The following LINGO1 variants were observed in gnomAD, a reference collection of about 807,000 sequenced individuals.
LINGO1 encodes the protein leucine rich repeat and Ig domain containing 1.
LINGO1 carries 11 observed loss-of-function variants against 37.3 expected under a neutral mutation model. That is an observed-to-expected ratio of 0.29 (90% CI 0.19 to 0.49). The LOEUF (loss-of-function observed/expected upper bound fraction) is 0.49, where lower values mean the gene tolerates loss of function less well. LINGO1 is among the 20% of genes least tolerant of loss of function. LINGO1 has a pLI of 0.99. For missense variants in LINGO1, 585 were observed against 878.2 expected (o/e 0.67, Z 4.22); for synonymous variants, 387 against 403.0 (o/e 0.96, Z 0.48).
At chr15:77,675,576 T>A (rs116776382) in intron 3 of LINGO1, among the ~76,000 whole-genome samples, 325 of 152,092 alleles carry the variant, frequency 2.1e-3, no homozygotes, top group African/African-American at 7.6e-3. Flanking sequence ...GATAAGTACA[T>A]AGAAAAAAGT....
chr15:77,767,081 G>A (rs1179436947), intron 1 of LINGO1, among the ~76,000 whole-genome samples: 2 of 152,152 alleles, frequency 1.3e-5, no homozygotes, highest in East Asian at 3.8e-4. Flanking sequence ...CATGAAAGGA[G>A]CAATTCAAAA....
chr15:77,715,799 T>C (rs2075976708), intron 2 of LINGO1, among the ~76,000 whole-genome samples: 1 of 152,132 alleles, frequency 6.6e-6, no homozygotes, highest in Non-Finnish European at 1.5e-5. Flanking sequence ...AGGGCCACCC[T>C]CCTCTCCATT....
intron 1 of LINGO1, chr15:77,819,198 G>A (rs1041260758): frequency 6.7e-6 from 1 of 149,122 alleles, no homozygotes; most frequent in Non-Finnish European, 1.5e-5. Context: ...CCGGCGGGCA[G>A]ACACACCGGC....
At chr15:77,708,486 A>G (rs1274713377) in intron 2 of LINGO1, among the ~76,000 whole-genome samples, 1 of 152,212 alleles carries the variant, frequency 6.6e-6, no homozygotes, top group Non-Finnish European at 1.5e-5. Context: ...CCCCAAATTC[A>G]TGTCCATCTG....
chr15:77,743,868 G>A (rs2141353167), intron 1 of LINGO1, among the ~76,000 whole-genome samples: 1 of 152,198 alleles, frequency 6.6e-6, no homozygotes, highest in South Asian at 2.1e-4. Context: ...AGGTGTGAGA[G>A]GCTCCCATGG....
At chr15:77,746,353 T>G (rs1285672842) in intron 1 of LINGO1, among the ~76,000 whole-genome samples, 1 of 152,130 alleles carries the variant, frequency 6.6e-6, no homozygotes, top group Non-Finnish European at 1.5e-5. Flanking sequence ...TTCCATGAAT[T>G]CCATTCCTCC....
rs74569040 is a variant in LINGO1, at chr15:77,758,354, C to T, written c.-256-23301G>A. ...CACTGACTGTGCACCCCAAGGCGGG[C>T]GCTCCCCATCTGCAGGCCTCCGTTT... On this transcript the variant is annotated intron_variant, in intron 1 of 3. Transcript: ENST00000561686. 2.8e-4 allele frequency among the ~76,000 whole-genome samples: 43 copies of T among 152,266 alleles called. 1 individual carries two copies. In the East Asian group the frequency reaches 5.8e-3, roughly 21 times the overall value.
At chr15:77,797,539 G>C (rs370831605) in intron 1 of LINGO1, among the ~76,000 whole-genome samples, 4 of 152,254 alleles carry the variant, frequency 2.6e-5, no homozygotes, top group East Asian at 1.9e-4. Flanking sequence ...ACAAGTGCAG[G>C]TGGTGCCCAG....
chr15:77,776,448 A>AGCAGGAAGGCAGGAAGGCAGGAAG lies in LINGO1; in HGVS notation c.-257+10397_-257+10420dup, dbSNP rs767799691. Among the ~76,000 whole-genome samples, 83 of 103,844 alleles carry AGCAGGAAGGCAGGAAGGCAGGAAG rather than the reference A, an allele frequency of 8.0e-4. 3 individuals carry two copies. The highest frequency in any genetic ancestry group is 6.4e-3 in the East Asian group (22 of 3,446). The allele number at this position is 103,844 out of a possible 152,430, so 68.1% of individuals were successfully genotyped here. ...GGCAGGTCACCTGTCCCGGGGCTTT[A>AGCAGGAAGGCAGGAAGGCAGGAAG]GCAGGAAGGCAGGAAGGCAGGAAGG... On this transcript the variant is annotated intron_variant, in intron 1 of 3. Transcript: ENST00000561686.
chr15:77,680,387 CT>C (rs1278840267), intron 2 of LINGO1, among the ~76,000 whole-genome samples: 2 of 152,228 alleles, frequency 1.3e-5, no homozygotes, highest in East Asian at 3.9e-4. Flanking sequence ...CCCACTGCCC[CT>C]TTGGGGGCAG....
At chr15:77,765,318 G>C (rs2076516661) in intron 1 of LINGO1, among the ~76,000 whole-genome samples, 2 of 151,742 alleles carry the variant, frequency 1.3e-5, no homozygotes, top group Admixed American at 6.6e-5. Flanking sequence ...TGGAGGCTGA[G>C]ACATGAGAAT....
intron 2 of LINGO1, among the ~76,000 whole-genome samples, chr15:77,712,289 T>C (rs1351283558): frequency 6.6e-6 from 1 of 151,978 alleles, no homozygotes; most frequent in African/African-American, 2.4e-5. Flanking sequence ...CTCCTTACAA[T>C]CCTCACTGCA....
intron 2 of LINGO1, among the ~76,000 whole-genome samples, chr15:77,690,270 C>T (rs1192142936): frequency 1.3e-5 from 2 of 152,188 alleles, no homozygotes; most frequent in African/African-American, 2.4e-5. Flanking sequence ...TGAGCTGAAT[C>T]GAGATCAACT....
chr15:77,678,453 G>A (rs762853069), intron 2 of LINGO1, among the ~76,000 whole-genome samples: 5 of 152,252 alleles, frequency 3.3e-5, no homozygotes, highest in East Asian at 3.9e-4. Flanking sequence ...GTCTGGTTTC[G>A]TTCACCCAGC....
intron 2 of LINGO1, among the ~76,000 whole-genome samples, chr15:77,721,112 G>C (rs2076045467): frequency 6.6e-6 from 1 of 152,078 alleles, no homozygotes; most frequent in Non-Finnish European, 1.5e-5. Flanking sequence ...TCAAAGCCAA[G>C]GTCGTTTCCT....
chr15:77,807,900 A>G (rs2076973217), intron 1 of LINGO1, among the ~76,000 whole-genome samples: 1 of 152,112 alleles, frequency 6.6e-6, no homozygotes, highest in South Asian at 2.1e-4. Context: ...AGCAGCAGAG[A>G]TGGTGAAGAC....
intron 1 of LINGO1, among the ~76,000 whole-genome samples, chr15:77,761,367 T>G (rs538269794): frequency 1.4e-4 from 21 of 152,196 alleles, no homozygotes; most frequent in Non-Finnish European, 2.4e-4. Context: ...AGCAGCCCAG[T>G]CCACAGGCAC....
chr15:77,661,991 C>T (rs2075004552), intron 3 of LINGO1, among the ~76,000 whole-genome samples: 1 of 152,226 alleles, frequency 6.6e-6, no homozygotes, highest in South Asian at 2.1e-4. Context: ...CCCGACTCCC[C>T]TCAACGGGAG....
At chr15:77,721,871 C>G (rs1231829506) in intron 2 of LINGO1, among the ~76,000 whole-genome samples, 3 of 152,078 alleles carry the variant, frequency 2.0e-5, no homozygotes, top group African/African-American at 7.2e-5. Context: ...TCCCCTGCCC[C>G]CTAATTATGC....
Sources: allele counts gnomAD v4.1 joint callset (sites outside exome capture counted in the v4.1 genomes callset), GRCh38; gene constraint gnomAD v4.1.1; transcripts MANE v1.5; gene names NCBI Gene and HGNC (gene_info 2026-07-23, HGNC 2026-07-21).